The following ZNF559 variants were observed in gnomAD, a reference collection of about 807,000 sequenced individuals.
ZNF559 encodes the protein zinc finger protein 559, also known as putative protein product of Nbla00121.
A neutral mutation model predicts 14.2 loss-of-function variants in ZNF559; 17 were observed. That is an observed-to-expected ratio of 1.20 (90% CI 0.82 to 1.80). The LOEUF is 1.80. ZNF559 is among the 40% of genes most tolerant of loss of function. The probability of loss-of-function intolerance (pLI) is 0.00; values close to 1 mark genes in which losing one functional copy is unlikely to be tolerated. For synonymous variants in ZNF559, 244 were observed against 212.4 expected, an observed-to-expected ratio of 1.15 and a Z score of -1.29; for missense variants, 740 against 629.7, an observed-to-expected ratio of 1.18 and a Z score of -1.88.
In ZNF559 at chr19:9,341,426, T is replaced by C. The variant is rs983029434; in HGVS notation, c.243+242T>C. On this transcript the variant is annotated intron_variant, in intron 6 of 6. Transcript: ENST00000603380. ...CCATATGTATCTCAGATGTTTTTGA[T>C]AAATAATTCACTCTTGGGCCGTTAT... The C allele has an allele frequency of 3.9e-6, 3 of 768,488 alleles. No individual in the cohort carries two copies. In the African/African-American group the frequency reaches 5.1e-5, roughly 13 times the overall value. 47.6% of individuals were successfully genotyped at this position (768,488 alleles called of 1,614,324 possible).
At chr19:9,334,063 A>T (rs868328862) in intron 2 of ZNF559, among the ~76,000 whole-genome samples, 14 of 152,336 alleles carry the variant, frequency 9.2e-5, no homozygotes, top group African/African-American at 3.4e-4. Flanking sequence ...ATGTTTTGAA[A>T]AACAGTTTGG....
intron 2 of ZNF559, among the ~76,000 whole-genome samples, chr19:9,334,861 G>A (rs954412433): frequency 5.9e-5 from 9 of 152,038 alleles, no homozygotes; most frequent in East Asian, 3.9e-4. Context: ...ATGGCCAGGC[G>A]GGGTGGCTCA....
At chr19:9,334,852 T>C (rs2067140262) in intron 2 of ZNF559, among the ~76,000 whole-genome samples, 1 of 152,100 alleles carries the variant, frequency 6.6e-6, no homozygotes, top group Admixed American at 6.6e-5. Context: ...TGGCTGGTCA[T>C]GGCCAGGCGG....
At chr19:9,338,058 C>T (rs1599336390) in intron 3 of ZNF559, 200 bp downstream of exon 3, 4 of 1,509,212 alleles carry the variant, frequency 2.7e-6, no homozygotes, top group Non-Finnish European at 3.6e-6. Context: ...CTGCTTTAAC[C>T]AGTCTGTGAA....
rs1173168535 is a variant in ZNF559 at position 9,344,206 on chromosome 19, A to C, written c.*1138A>C. Reference sequence around the variant, plus strand: ...CAGTGAGCTCAGATCACGCCACTGCACTCCAGCCTGGATGATATGGTAAGA... The same window carrying C: ...CAGTGAGCTCAGATCACGCCACTGCCCTCCAGCCTGGATGATATGGTAAGA... On this transcript the variant is annotated 3_prime_UTR_variant, in exon 7 of 7. Coordinates refer to ENST00000603380, the MANE Select transcript of ZNF559 (RefSeq NM_032497.3). 2 of 152,088 alleles carry C rather than the reference A, an allele frequency of 1.3e-5. No homozygotes were observed. Among genetic ancestry groups the C allele is most frequent in the Non-Finnish European group, 2.9e-5 (2 of 68,028 alleles). The allele number at this position is 152,088 out of a possible 1,614,324, so 9.4% of individuals were successfully genotyped here. A position where few individuals can be genotyped will look rare whatever the true frequency, so the allele number is the denominator to read the frequency against.
chr19:9,326,768 G>C (rs2066630311), intron 2 of ZNF559, among the ~76,000 whole-genome samples: 1 of 152,012 alleles, frequency 6.6e-6, no homozygotes, highest in Non-Finnish European at 1.5e-5. Context: ...TAAGTCTTTG[G>C]AATCCTGCAC....
intron 2 of ZNF559, among the ~76,000 whole-genome samples, chr19:9,335,049 T>C (rs1453687776): frequency 6.7e-6 from 1 of 150,288 alleles, no homozygotes; most frequent in East Asian, 2.0e-4. Flanking sequence ...GGCAAGAGAA[T>C]GGCGTGAACG....
upstream of ZNF559, chr19:9,323,792 G>C: frequency 4.8e-6 from 1 of 209,196 alleles, no homozygotes; most frequent in Non-Finnish European, 9.7e-6. Flanking sequence ...AGGTGAGCAT[G>C]AAGTGGCCAA....
chr19:9,336,279 C>G (rs1409185365), intron 2 of ZNF559, among the ~76,000 whole-genome samples: 1 of 152,048 alleles, frequency 6.6e-6, no homozygotes, highest in African/African-American at 2.4e-5. Context: ...TTCCATAGTA[C>G]TTGTCACCAA....
At chr19:9,339,700 G>A (rs2067437676) in intron 5 of ZNF559, among the ~76,000 whole-genome samples, 1 of 151,872 alleles carries the variant, frequency 6.6e-6, no homozygotes. Flanking sequence ...AGAGGGTTCA[G>A]AATGCCCAGA....
At position 9,324,775 on chromosome 19, in the gene ZNF559, G is replaced by C; in HGVS notation, c.-125G>C. Reference sequence around the variant, plus strand: ...CTCAGCAACCTGACAATTCTGTCGTGTCCCGGTGAGCACTTCATGCACTTG... The same window carrying C: ...CTCAGCAACCTGACAATTCTGTCGTCTCCCGGTGAGCACTTCATGCACTTG... On this transcript the variant is annotated 5_prime_UTR_variant, in exon 2 of 7. Coordinates refer to ENST00000603380, the MANE Select transcript of ZNF559 (RefSeq NM_032497.3). 1 of 1,536,014 alleles carries C rather than the reference G, an allele frequency of 6.5e-7. No homozygotes were observed. The highest frequency in any genetic ancestry group is 8.7e-7 in the Non-Finnish European group (1 of 1,146,840).
In ZNF559 at chr19:9,341,161, A is replaced by T. The variant is rs1244112104; in HGVS notation, c.220A>T (p.Lys74Ter). ...SAPQQNFLQG[K>*]TSSVVEMERN... ...ACCTCAGCAGAATTTTTTGCAGGGG[A>T]AAACATCCAGTGTGGTGGAAATGGT... The change falls in exon 6 of 7, where the codon AAA (lysine) becomes TAA (stop). Residue 74 changes from lysine (K) to a stop codon, truncating the protein, a stop_gained. Coordinates refer to ENST00000603380, the MANE Select transcript of ZNF559 (RefSeq NM_032497.3). LOFTEE classifies it low-confidence loss of function (END_TRUNC). The T allele has an allele frequency of 1.9e-6, 3 of 1,613,636 alleles. No homozygotes were observed. Among genetic ancestry groups the T allele is most frequent in the East Asian group, 4.5e-5 (2 of 44,866 alleles).
At chr19:9,324,935 A>G (rs1276163116) in intron 2 of ZNF559, among the ~76,000 whole-genome samples, 155 bp downstream of exon 2, 1 of 152,096 alleles carries the variant, frequency 6.6e-6, no homozygotes, top group Non-Finnish European at 1.5e-5. Context: ...TAACTGTAAA[A>G]TTTACCACCA....
At position 9,342,722 on chromosome 19, in the gene ZNF559, T is replaced by C. The variant is rs758080919; in HGVS notation, c.1271T>C (p.Leu424Pro). 2 of 1,614,220 alleles carry C rather than the reference T, an allele frequency of 1.2e-6. No homozygotes were observed. Among genetic ancestry groups the C allele is most frequent in the South Asian group, 2.2e-5 (2 of 91,090 alleles). The part of the protein sequence containing the change: ...CGKAFIRSSF[L>P]IRHLRSHSAE... ...AAAGCCTTCATTCGATCCTCATTTC[T>C]TATTCGACATTTGAGAAGTCACAGT... is the stretch of plus-strand genomic sequence containing the variant. Residue 424 changes from leucine to proline, a missense_variant, in exon 7 of 7, where the codon CTT (leucine) becomes CCT (proline). Transcript: ENST00000603380.
rs1413876604 is a variant in ZNF559, at chr19:9,324,739, GTCC to G, written c.-156_-154del. On this transcript the variant is annotated 5_prime_UTR_variant, in exon 2 of 7. Transcript: ENST00000603380. Reference sequence around the variant, plus strand: ...CTGTTCACGGTGACCTTCGCTTGGTGTCCTCCTGGCCTCAGCAACCTGACAATT... The same window carrying G: ...CTGTTCACGGTGACCTTCGCTTGGTGTCCTGGCCTCAGCAACCTGACAATT... The G allele has an allele frequency of 4.6e-6, 7 of 1,535,554 alleles. No individual in the cohort carries two copies. The highest frequency in any genetic ancestry group is 1.4e-5 in the African/African-American group (1 of 72,846).
chr19:9,334,367 A>G (rs2145145301), intron 2 of ZNF559, among the ~76,000 whole-genome samples: 1 of 152,276 alleles, frequency 6.6e-6, no homozygotes, highest in Admixed American at 6.5e-5. Context: ...AGCATTTTGG[A>G]TTTCAGATTT....
chr19:9,341,581 T>A (rs2067589557), intron 6 of ZNF559, 114 bp from the exon 7 acceptor site: 1 of 1,556,816 alleles, frequency 6.4e-7, no homozygotes, highest in African/African-American at 1.4e-5. Flanking sequence ...GAACAAACAG[T>A]TTCAATTATA....
chr19:9,327,268 G>C (rs2066667278), intron 2 of ZNF559, among the ~76,000 whole-genome samples: 1 of 113,858 alleles, frequency 8.8e-6, no homozygotes, highest in African/African-American at 3.2e-5. Context: ...TTTTTGTTTT[G>C]ACGGAGTCTC....
chr19:9,338,095 G>T (rs1402251135), intron 3 of ZNF559: 17 of 1,310,698 alleles, frequency 1.3e-5, no homozygotes, highest in Non-Finnish European at 1.7e-5. Flanking sequence ...TAGGGTTTAG[G>T]GTCTAAGTGG....
Sources: gnomAD v4.1 joint callset for allele counts (sites outside exome capture counted in the v4.1 genomes callset) on GRCh38, gnomAD v4.1.1 for gene constraint, MANE v1.5 for transcripts, NCBI Gene and HGNC (gene_info 2026-07-23, HGNC 2026-07-21) for gene names.